The following CLOCK variants were observed in gnomAD, a reference collection of about 807,000 sequenced individuals.
CLOCK encodes the protein clock circadian regulator, also known as circadian locomoter output cycles protein kaput.
CLOCK carries 43 observed loss-of-function variants against 118.4 expected under a neutral mutation model. The ratio of observed to expected loss-of-function variants is 0.36; its 90% CI spans 0.28 to 0.47. The LOEUF is 0.47. CLOCK is among the 20% of genes least tolerant of loss of function. The pLI, the probability that CLOCK is intolerant of heterozygous loss-of-function variation, is 1.00. For missense variants in CLOCK, 846 were observed against 999.9 expected, an observed-to-expected ratio of 0.85 and a Z score of 2.08; for synonymous variants, 326 against 339.2, an observed-to-expected ratio of 0.96 and a Z score of 0.43.
intron 4 of CLOCK, among the ~76,000 whole-genome samples, chr4:55,480,514 T>A (rs567299688): frequency 1.3e-5 from 2 of 152,128 alleles, no homozygotes; most frequent in Non-Finnish European, 2.9e-5. Flanking sequence ...GACCTTCCTA[T>A]CTCAGCCTCC....
chr4:55,458,926 G>C lies in CLOCK; in HGVS notation c.758C>G (p.Ala253Gly), dbSNP rs1461495155. The C allele has an allele frequency of 6.2e-7, 1 of 1,613,472 alleles. No homozygotes were observed. The highest frequency in any genetic ancestry group is 1.1e-5 in the South Asian group (1 of 91,068). ...CTGAGGTGTAGCTAACCTGACAGTA[G>C]CTACAAAACAAACTCTATCTTCATA... ...PSYEDRVCFVATVRLATPQFI... is the reference protein window; with the variant it reads ...PSYEDRVCFVGTVRLATPQFI... The change falls in exon 11 of 23, where the codon GCT becomes GGT. Residue 253 changes from alanine (A) to glycine (G), a missense_variant. Physicochemically the swap from Ala to Gly is moderately conservative, Grantham distance 60. Transcript: ENST00000513440.
rs762142260 is a variant in CLOCK, at chr4:55,428,351, G to T, written c.*7064C>A. 1.3e-5 allele frequency: 2 copies of T among 152,050 alleles called. No homozygotes were observed. The highest frequency in any genetic ancestry group is 2.9e-5 in the Non-Finnish European group (2 of 68,014). The allele number at this position is 152,050 out of a possible 1,614,324, so 9.4% of individuals were successfully genotyped here. A position where few individuals can be genotyped will look rare whatever the true frequency, so the allele number is the denominator to read the frequency against. ...AAATTAAAATGGCAATATTAAATCGGTAACAAAACGATCCACATTTTATAC... is the reference window on the plus strand; with the variant it reads ...AAATTAAAATGGCAATATTAAATCGTTAACAAAACGATCCACATTTTATAC... On this transcript the variant is annotated 3_prime_UTR_variant, in exon 23 of 23. Transcript: ENST00000513440.
In CLOCK at chr4:55,435,278, T is replaced by C. The variant is rs1233813338; in HGVS notation, c.*137A>G. The C allele has an allele frequency of 9.7e-7, 1 of 1,032,050 alleles. No homozygotes were observed. Among genetic ancestry groups the C allele is most frequent in the African/African-American group, 1.6e-5 (1 of 63,842 alleles). 63.9% of individuals were successfully genotyped at this position (1,032,050 alleles called of 1,614,324 possible). ...ACTAGGCAGCATTTTCTCTGCCAACTAATTCCAGGAACTAGAACACTCAAT... is the reference window on the plus strand; with the variant it reads ...ACTAGGCAGCATTTTCTCTGCCAACCAATTCCAGGAACTAGAACACTCAAT... On this transcript the variant is annotated 3_prime_UTR_variant, in exon 23 of 23. Transcript: ENST00000513440.
intron 17 of CLOCK, 25 bp from the exon 18 acceptor site, chr4:55,448,893 TG>T: frequency 6.5e-7 from 1 of 1,539,980 alleles, no homozygotes; most frequent in Non-Finnish European, 9.0e-7. Flanking sequence ...AAAATAACAC[TG>T]AAGTGATTCT....
chr4:55,490,915 G>A (rs1727631242), intron 2 of CLOCK, among the ~76,000 whole-genome samples: 1 of 152,012 alleles, frequency 6.6e-6, no homozygotes, highest in East Asian at 1.9e-4. Flanking sequence ...CACAGAGAAC[G>A]TTCTCTAGGA....
intron 4 of CLOCK, among the ~76,000 whole-genome samples, chr4:55,481,200 T>G (rs891004325): frequency 6.6e-6 from 1 of 152,176 alleles, no homozygotes; most frequent in Non-Finnish European, 1.5e-5. Flanking sequence ...GAGTCACTAT[T>G]GAGATCACCT....
In CLOCK at chr4:55,442,520, C is replaced by T. The variant is rs145873359; in HGVS notation, c.2017G>A (p.Gly673Arg). The change falls in exon 21 of 23, where the codon GGA becomes AGA. Residue 673 changes from glycine to arginine, a missense_variant. Physicochemically the swap from Gly to Arg is moderately radical, Grantham distance 125. Transcript: ENST00000513440. ...CTAGATGGAATCTGGACCATGCTTC[C>T]GGCTGCAGGCTGAGAAATCACCATA... ...NTMVISQPAA[G>R]SMVQIPSSMP... 342 of 1,608,852 alleles carry T rather than the reference C, an allele frequency of 2.1e-4. No homozygotes were observed. The highest frequency in any genetic ancestry group is 2.6e-4 in the Non-Finnish European group (304 of 1,179,070).
At chr4:55,494,496 G>C (rs1047241778) in intron 2 of CLOCK, among the ~76,000 whole-genome samples, 2 of 152,088 alleles carry the variant, frequency 1.3e-5, no homozygotes, top group Admixed American at 6.6e-5. Flanking sequence ...TGATATATCA[G>C]AAAGAACGGT....
chr4:55,469,940 T>C (rs1285771538), intron 8 of CLOCK, among the ~76,000 whole-genome samples: 1 of 152,170 alleles, frequency 6.6e-6, no homozygotes, highest in Non-Finnish European at 1.5e-5. Flanking sequence ...ATGCCTGAGC[T>C]CAAGCAATCT....
At chr4:55,533,816 C>T (rs777941620) in intron 1 of CLOCK, among the ~76,000 whole-genome samples, 30 of 152,088 alleles carry the variant, frequency 2.0e-4, no homozygotes, top group South Asian at 6.2e-4. Flanking sequence ...GGCAGGAGAA[C>T]AGCTTGAACC....
chr4:55,500,984 C>T (rs1180937412), intron 2 of CLOCK, among the ~76,000 whole-genome samples: 1 of 151,704 alleles, frequency 6.6e-6, no homozygotes, highest in Non-Finnish European at 1.5e-5. Flanking sequence ...CCTCAGCAGC[C>T]GAGACTACAG....
chr4:55,450,015 A>G, intron 16 of CLOCK, 76 bp downstream of exon 16: 1 of 1,523,680 alleles, frequency 6.6e-7, no homozygotes, highest in Non-Finnish European at 9.1e-7. Context: ...GCGTTTGATG[A>G]GAAATGCTGA....
intron 1 of CLOCK, among the ~76,000 whole-genome samples, chr4:55,538,256 G>A (rs1011744362): frequency 1.4e-5 from 2 of 147,194 alleles, no homozygotes; most frequent in Non-Finnish European, 2.9e-5. Flanking sequence ...GTGAAGAGAC[G>A]GAACAATACA....
intron 1 of CLOCK, among the ~76,000 whole-genome samples, chr4:55,531,810 C>A (rs9998146): frequency 2.0e-5 from 3 of 148,808 alleles, no homozygotes; most frequent in African/African-American, 7.4e-5. Flanking sequence ...TCTAAAAAGC[C>A]GCCATTACCC....
intron 1 of CLOCK, among the ~76,000 whole-genome samples, chr4:55,540,152 C>A (rs1447802416): frequency 2.0e-5 from 3 of 151,792 alleles, no homozygotes; most frequent in Non-Finnish European, 4.4e-5. Context: ...GGATTACAGG[C>A]ACCCGCCACC....
chr4:55,532,625 G>A (rs1338359043), intron 1 of CLOCK, among the ~76,000 whole-genome samples: 2 of 152,132 alleles, frequency 1.3e-5, no homozygotes, highest in African/African-American at 2.4e-5. Context: ...CTAGCACTTT[G>A]GGAGGCCAAG....
intron 1 of CLOCK, among the ~76,000 whole-genome samples, chr4:55,539,380 C>A (rs1441107325): frequency 6.6e-6 from 1 of 151,822 alleles, no homozygotes; most frequent in Admixed American, 6.6e-5. Context: ...TCAAGAACAG[C>A]CGGGGCAACA....
Position 55,475,467 on chromosome 4 carries a change from T to C in CLOCK, c.348+496A>G, listed in dbSNP as rs372564900. The stretch of plus-strand genomic sequence containing the variant: ...AGCAGCAGGGTTTGAGAGTACTGAC[T>C]GTAATTTTGAAAGAAGTTCTACTCT... On this transcript the variant is annotated intron_variant, in intron 7 of 22. Transcript: ENST00000513440. Among the ~76,000 whole-genome samples the C allele has an allele frequency of 3.9e-5, 6 of 152,228 alleles. No homozygotes were observed. The East Asian group carries it at 1.2e-3, about 29-fold the overall frequency.
At chr4:55,483,045 A>G (rs1298437113) in intron 3 of CLOCK, among the ~76,000 whole-genome samples, 1 of 152,178 alleles carries the variant, frequency 6.6e-6, no homozygotes, top group Non-Finnish European at 1.5e-5. Flanking sequence ...AAAGTAATTC[A>G]GGCTCATATT....
Sources: gnomAD v4.1 joint callset for allele counts (sites outside exome capture counted in the v4.1 genomes callset) on GRCh38, gnomAD v4.1.1 for gene constraint, MANE v1.5 for transcripts, NCBI Gene and HGNC (gene_info 2026-07-23, HGNC 2026-07-21) for gene names.